The following CFAP47 variants were observed in gnomAD, a reference collection of about 807,000 sequenced individuals.
CFAP47 encodes cilia- and flagella-associated protein 47.
CFAP47 carries 29 observed loss-of-function variants against 148.1 expected under a neutral mutation model. The ratio of observed to expected loss-of-function variants is 0.20; its 90% confidence interval spans 0.15 to 0.27. The LOEUF (loss-of-function observed/expected upper bound fraction) is 0.27. Ranked by LOEUF, CFAP47 falls within the 10% of genes least tolerant of loss-of-function variation. The probability of loss-of-function intolerance (pLI) is 1.00; values close to 1 mark genes in which losing one functional copy is unlikely to be tolerated. For synonymous variants in CFAP47, 664 were observed against 577.3 expected, an observed-to-expected ratio of 1.15 and a Z score of -2.15; for missense variants, 1,872 against 1,697.5, an observed-to-expected ratio of 1.10 and a Z score of -1.81.
At chrX:36,170,218 T>A (rs1939550395) in intron 39 of CFAP47, among the ~76,000 whole-genome samples, 1 of 111,973 alleles carries the variant, frequency 8.9e-6, no homozygotes, top group South Asian at 3.7e-4. Flanking sequence ...TCTGAAAAAG[T>A]AAATTTTCAC....
chrX:36,076,756 C>T (rs774556903), intron 29 of CFAP47, among the ~76,000 whole-genome samples: 2 of 111,402 alleles, frequency 1.8e-5, no homozygotes, highest in South Asian at 3.7e-4. Context: ...TCCCACTTGT[C>T]ACTTTTTTCT....
intron 62 of CFAP47, among the ~76,000 whole-genome samples, chrX:36,378,642 C>T (rs1401291337): frequency 3.6e-5 from 4 of 111,619 alleles, no homozygotes; most frequent in African/African-American, 9.8e-5. Context: ...CGGGTTCAAG[C>T]GATTCTCCTG....
At chrX:36,027,599 T>C (rs987950152) in intron 22 of CFAP47, among the ~76,000 whole-genome samples, 2 of 111,203 alleles carry the variant, frequency 1.8e-5, no homozygotes, top group Non-Finnish European at 3.8e-5. Context: ...CATATGTGTG[T>C]ATCACATTTT....
intron 30 of CFAP47, among the ~76,000 whole-genome samples, chrX:36,095,806 CA>C (rs1327966595): frequency 9.0e-6 from 1 of 111,248 alleles, no homozygotes; most frequent in Non-Finnish European, 1.9e-5. Flanking sequence ...TTTATCTTGT[CA>C]AAAAAGCAAC....
intron 30 of CFAP47, among the ~76,000 whole-genome samples, chrX:36,090,261 A>G (rs1252838815): frequency 8.9e-6 from 1 of 112,253 alleles, no homozygotes; most frequent in Non-Finnish European, 1.9e-5. Flanking sequence ...CAATAAGTCC[A>G]AAACCTGAAT....
At chrX:36,180,218 A>C (rs191307061) in intron 40 of CFAP47, among the ~76,000 whole-genome samples, 3 of 104,742 alleles carry the variant, frequency 2.9e-5, no homozygotes, top group Admixed American at 1.1e-4. Flanking sequence ...TTAGTTTATA[A>C]AGAAATTTGC....
In CFAP47 at chrX:36,334,724, C is replaced by T. The variant is rs113359312; in HGVS notation, c.8444-13405C>T. Among the ~76,000 whole-genome samples, 8 of 110,539 alleles carry T rather than the reference C, an allele frequency of 7.2e-5. No homozygotes were observed. In the Admixed American group the frequency reaches 7.7e-4, roughly 11 times the overall value. On this transcript the variant is annotated intron_variant, in intron 57 of 63. Coordinates refer to ENST00000378653, the MANE Select transcript of CFAP47 (RefSeq NM_001304548.2). ...CCAAATTTAACTATGAACTCATTCT[C>T]CTAATCTTACCTCACCTCAACCCCT...
At chrX:36,124,033 T>C (rs1273448957) in intron 33 of CFAP47, among the ~76,000 whole-genome samples, 1 of 111,532 alleles carries the variant, frequency 9.0e-6, no homozygotes. Flanking sequence ...GACCTTCCTT[T>C]CATGGCAGTG....
rs1556013578 is a variant in CFAP47 at position 36,328,832 on chromosome X, A to AAG, written c.8443+9526_8443+9527insGA. Among the ~76,000 whole-genome samples, 7 of 106,280 alleles carry AAG rather than the reference A, an allele frequency of 6.6e-5. No homozygotes were observed. The East Asian group carries it at 1.4e-3, about 22-fold the overall frequency. The allele number at this position is 106,280 out of a possible 115,157, so 92.3% of individuals were successfully genotyped here. A position where few individuals can be genotyped will look rare whatever the true frequency, so the allele number is the denominator to read the frequency against. The stretch of plus-strand genomic sequence containing the variant: ...ACTCTGTCTCAAAAAAAAAAAAAAA[A>AAG]AAAGAAAAGCAAAATTGGAAGATGT... On this transcript the variant is annotated intron_variant, in intron 57 of 63. Transcript: ENST00000378653.
At chrX:36,371,682 A>G (rs181776342) in intron 62 of CFAP47, among the ~76,000 whole-genome samples, 7 of 74,435 alleles carry the variant, frequency 9.4e-5, no homozygotes, top group Non-Finnish European at 1.2e-4. Context: ...ATGTGTATAT[A>G]TGTGTGTATA....
chrX:36,331,135 A>G (rs782810579), intron 57 of CFAP47, among the ~76,000 whole-genome samples: 2 of 111,865 alleles, frequency 1.8e-5, no homozygotes, highest in African/African-American at 6.5e-5. Flanking sequence ...TGCTTTTGTT[A>G]AAAAAATCAG....
chrX:35,940,375 C>G (rs1935987679), intron 2 of CFAP47, among the ~76,000 whole-genome samples: 1 of 110,844 alleles, frequency 9.0e-6, no homozygotes, highest in Non-Finnish European at 1.9e-5. Flanking sequence ...TTGCCCATGC[C>G]TATGTCCTGA....
At chrX:36,283,003 ATG>A (rs1399161690) in intron 50 of CFAP47, among the ~76,000 whole-genome samples, 4 of 111,262 alleles carry the variant, frequency 3.6e-5, no homozygotes, top group African/African-American at 1.3e-4. Context: ...AATAATATAA[ATG>A]TGTATATTCT....
At chrX:36,210,920 C>A (rs782129234) in intron 45 of CFAP47, among the ~76,000 whole-genome samples, 113 of 112,137 alleles carry the variant, frequency 1.0e-3, no homozygotes, top group African/African-American at 3.5e-3. Flanking sequence ...ATGTGGCTAC[C>A]AAGTCGTCTT....
At chrX:36,381,106 T>C (rs1602139677) in intron 63 of CFAP47, among the ~76,000 whole-genome samples, 1 of 112,171 alleles carries the variant, frequency 8.9e-6, no homozygotes, top group Non-Finnish European at 1.9e-5. Context: ...ACTTTTATTA[T>C]TGAAAATTCC....
chrX:36,355,625 T>A (rs1230519118), intron 60 of CFAP47, among the ~76,000 whole-genome samples: 3 of 111,854 alleles, frequency 2.7e-5, no homozygotes. Context: ...AACTACATGA[T>A]ACCACTTAAT....
chrX:36,331,781 C>T (rs950033634), intron 57 of CFAP47, among the ~76,000 whole-genome samples: 16 of 111,892 alleles, frequency 1.4e-4, no homozygotes, highest in African/African-American at 4.2e-4. Context: ...TCTACGCCAA[C>T]CTAAGCTGCT....
chrX:36,095,989 C>T (rs774107558), intron 30 of CFAP47, among the ~76,000 whole-genome samples: 1 of 110,869 alleles, frequency 9.0e-6, no homozygotes, highest in South Asian at 3.7e-4. Context: ...TATGTACTTA[C>T]AGCTATAAAC....
intron 48 of CFAP47, among the ~76,000 whole-genome samples, chrX:36,246,676 G>A (rs1055476539): frequency 3.6e-5 from 4 of 111,421 alleles, no homozygotes; most frequent in Non-Finnish European, 7.5e-5. Context: ...GGGGATTATG[G>A]GGATTACAAT....
Sources: allele counts gnomAD v4.1 joint callset (sites outside exome capture counted in the v4.1 genomes callset), GRCh38; gene constraint gnomAD v4.1.1; transcripts MANE v1.5; gene names NCBI Gene and HGNC (gene_info 2026-07-23, HGNC 2026-07-21).